The following CNBD1 variants were observed in gnomAD, a reference collection of about 807,000 sequenced individuals.
The protein encoded by CNBD1 is cyclic nucleotide-binding domain-containing protein 1.
In CNBD1, 71 loss-of-function variants were observed where a neutral mutation model predicts 54.4. The observed-to-expected ratio is 1.30, with a 90% CI of 1.08 to 1.59. The LOEUF is 1.59. Among genes scored for constraint, CNBD1 ranks in the 40% most tolerant of loss-of-function variants. The pLI is 0.00. For missense variants in CNBD1, 659 were observed against 518.0 expected (o/e 1.27, Z -2.64); for synonymous variants, 182 against 170.7 (o/e 1.07, Z -0.51).
At chr8:87,162,818 T>C (rs1386318874) in intron 4 of CNBD1, among the ~76,000 whole-genome samples, 1 of 152,072 alleles carries the variant, frequency 6.6e-6, no homozygotes, top group Non-Finnish European at 1.5e-5. Flanking sequence ...GGTTTGAATG[T>C]GTTGCCTCCA....
At chr8:86,950,403 A>G (rs1307813173) in intron 4 of CNBD1, among the ~76,000 whole-genome samples, 2 of 152,210 alleles carry the variant, frequency 1.3e-5, no homozygotes, top group African/African-American at 2.4e-5. Flanking sequence ...TAAAACAATT[A>G]TATGATTTTT....
At chr8:87,050,646 T>C (rs910730732) in intron 4 of CNBD1, among the ~76,000 whole-genome samples, 3 of 152,206 alleles carry the variant, frequency 2.0e-5, no homozygotes, top group Non-Finnish European at 4.4e-5. Flanking sequence ...AGGTATTCTT[T>C]AGGTCTAAAA....
chr8:87,279,158 C>G (rs1808539379), intron 6 of CNBD1, among the ~76,000 whole-genome samples: 1 of 151,332 alleles, frequency 6.6e-6, no homozygotes, highest in South Asian at 2.1e-4. Context: ...TTTCTGCATG[C>G]AAAAACAGTC....
chr8:87,080,419 T>A (rs2130664316), intron 4 of CNBD1, among the ~76,000 whole-genome samples: 1 of 152,052 alleles, frequency 6.6e-6, no homozygotes, highest in South Asian at 2.1e-4. Context: ...CCGTCTCTAC[T>A]AATAACGCAA....
At chr8:87,424,144 G>T (rs1388095543) in intron 2 of CNBD1, among the ~76,000 whole-genome samples, 1 of 151,902 alleles carries the variant, frequency 6.6e-6, no homozygotes, top group Non-Finnish European at 1.5e-5. Flanking sequence ...ATTTTTTATT[G>T]CATCTATTTG....
chr8:86,999,392 A>C (rs1456739714), intron 4 of CNBD1, among the ~76,000 whole-genome samples: 1 of 152,148 alleles, frequency 6.6e-6, no homozygotes, highest in African/African-American at 2.4e-5. Flanking sequence ...CTCCATGCAC[A>C]GTTACAATAA....
chr8:86,883,208 A>C (rs1379091855), intron 1 of CNBD1, among the ~76,000 whole-genome samples: 2 of 152,106 alleles, frequency 1.3e-5, no homozygotes, highest in African/African-American at 2.4e-5. Flanking sequence ...ATTGGTGACA[A>C]AGTTATTATA....
chr8:86,896,322 ATTC>A (rs2131799011), intron 2 of CNBD1, among the ~76,000 whole-genome samples: 1 of 152,276 alleles, frequency 6.6e-6, no homozygotes, highest in South Asian at 2.1e-4. Context: ...TACCAATGGC[ATTC>A]TTCACAGAGT....
At chr8:86,935,816 A>T (rs1809537329) in intron 3 of CNBD1, among the ~76,000 whole-genome samples, 1 of 152,020 alleles carries the variant, frequency 6.6e-6, no homozygotes, top group African/African-American at 2.4e-5. Context: ...ATCTGATCTT[A>T]GCTCATGAAT....
intron 2 of CNBD1, among the ~76,000 whole-genome samples, chr8:87,392,433 A>G (rs1377319389): frequency 2.0e-5 from 3 of 152,072 alleles, no homozygotes; most frequent in Non-Finnish European, 2.9e-5. Context: ...ATGAAGGGAT[A>G]AATTAAAATG....
At chr8:87,024,104 T>G (rs1249825027) in intron 4 of CNBD1, among the ~76,000 whole-genome samples, 2 of 151,190 alleles carry the variant, frequency 1.3e-5, no homozygotes, top group Admixed American at 6.6e-5. Context: ...CCTGACCTGG[T>G]GGCAGGCACC....
intron 6 of CNBD1, among the ~76,000 whole-genome samples, chr8:87,250,761 G>A (rs1439774287): frequency 1.3e-5 from 2 of 152,126 alleles, no homozygotes; most frequent in East Asian, 3.9e-4. Context: ...AAATGTGGGA[G>A]CTTAAGAAAA....
At chr8:87,213,418 T>C (rs773859010) in intron 5 of CNBD1, among the ~76,000 whole-genome samples, 2 of 152,126 alleles carry the variant, frequency 1.3e-5, no homozygotes, top group Non-Finnish European at 2.9e-5. Flanking sequence ...TTCCACATGG[T>C]TGGGGAAGCC....
rs1409322459 is a variant in CNBD1 at position 87,262,502 on chromosome 8, A to C, written c.772-22176A>C. On this transcript the variant is annotated intron_variant, in intron 6 of 10. Coordinates refer to ENST00000518476, the MANE Select transcript of CNBD1 (RefSeq NM_173538.3). ...TCACCTTCACCAATGTGGGCAGCCAACATCCAATCTACTGATAATCTGAAT... is the reference window on the plus strand; with the variant it reads ...TCACCTTCACCAATGTGGGCAGCCACCATCCAATCTACTGATAATCTGAAT... Among the ~76,000 whole-genome samples, 14 of 152,300 alleles carry C rather than the reference A, an allele frequency of 9.2e-5. No individual in the cohort carries two copies. The South Asian group carries it at 2.7e-3, about 29-fold the overall frequency.
At chr8:87,037,520 T>A (rs60014404) in intron 4 of CNBD1, among the ~76,000 whole-genome samples, 1 of 152,138 alleles carries the variant, frequency 6.6e-6, no homozygotes, top group Non-Finnish European at 1.5e-5. Context: ...TTTTTTCTTA[T>A]ATTTTCCAGT....
chr8:87,211,753 G>A (rs970708068), intron 5 of CNBD1, among the ~76,000 whole-genome samples: 5 of 152,206 alleles, frequency 3.3e-5, no homozygotes, highest in Admixed American at 1.3e-4. Flanking sequence ...GCAGCCTGCA[G>A]AGCCATGAGC....
chr8:87,386,390 G>A (rs913711745), downstream of CNBD1, among the ~76,000 whole-genome samples: 1 of 151,970 alleles, frequency 6.6e-6, no homozygotes, highest in Admixed American at 6.6e-5. Context: ...AATGGCTAAC[G>A]AGAATAACCA....
chr8:87,405,336 T>C (rs1002835066), intron 2 of CNBD1, among the ~76,000 whole-genome samples: 1 of 152,084 alleles, frequency 6.6e-6, no homozygotes, highest in Non-Finnish European at 1.5e-5. Flanking sequence ...ATGATGCATG[T>C]AAAGTATTTG....
intron 4 of CNBD1, among the ~76,000 whole-genome samples, chr8:86,985,383 G>T (rs190874547): frequency 2.1e-3 from 314 of 152,204 alleles, no homozygotes; most frequent in African/African-American, 7.2e-3. Flanking sequence ...TCAACCCATG[G>T]TGCCTTCCCT....
Sources: allele counts gnomAD v4.1 joint callset (sites outside exome capture counted in the v4.1 genomes callset), GRCh38; gene constraint gnomAD v4.1.1; transcripts MANE v1.5; gene names NCBI Gene and HGNC (gene_info 2026-07-23, HGNC 2026-07-21).